KCNH7: variants seen among roughly 807,000 people sequenced by gnomAD.
The protein encoded by KCNH7 is voltage-gated inwardly rectifying potassium channel KCNH7.
A neutral mutation model predicts 120.8 loss-of-function variants in KCNH7; 49 were observed. That is an observed-to-expected ratio of 0.41 (90% CI 0.32 to 0.51). KCNH7 has a LOEUF of 0.51. Ranked by LOEUF, KCNH7 falls within the 20% of genes least tolerant of loss-of-function variation. The pLI is 0.38. For synonymous variants in KCNH7, 547 were observed against 516.1 expected (o/e 1.06, Z -0.81); for missense variants, 1,097 against 1,446.6 (o/e 0.76, Z 3.92).
chr2:162,812,996 G>A (rs114690749), intron 2 of KCNH7, among the ~76,000 whole-genome samples: 2,369 of 152,134 alleles, frequency 0.016, 52 homozygotes, highest in African/African-American at 0.049. Flanking sequence ...GATGAAAAAA[G>A]TTGTTAAGAA....
chr2:162,722,709 C>T (rs141178503), intron 2 of KCNH7, among the ~76,000 whole-genome samples: 3,657 of 150,840 alleles, frequency 0.024, 155 homozygotes, highest in African/African-American at 0.083. Context: ...TTTCGCTTAT[C>T]TTGTTCTGGA....
intron 9 of KCNH7, among the ~76,000 whole-genome samples, chr2:162,400,941 C>A (rs759692962): frequency 2.0e-5 from 3 of 151,848 alleles, no homozygotes; most frequent in Non-Finnish European, 4.4e-5. Flanking sequence ...TGTCATGTAA[C>A]AGAGTGTGCT....
At chr2:162,610,133 G>A (rs879862500) in intron 2 of KCNH7, among the ~76,000 whole-genome samples, 2 of 152,186 alleles carry the variant, frequency 1.3e-5, no homozygotes, top group Non-Finnish European at 2.9e-5. Flanking sequence ...TTGGAAATAA[G>A]GTCAAGAGAA....
intron 2 of KCNH7, among the ~76,000 whole-genome samples, chr2:162,580,877 A>G (rs1268936300): frequency 2.6e-5 from 4 of 152,076 alleles, no homozygotes; most frequent in Admixed American, 6.6e-5. Context: ...TAATTCCTAG[A>G]TAGAAATAGT....
At chr2:162,836,513 G>A (rs1232363699) in intron 2 of KCNH7, 24 bp downstream of exon 2, 2 of 1,571,316 alleles carry the variant, frequency 1.3e-6, no homozygotes, top group South Asian at 2.2e-5. Context: ...CAAATAGAAG[G>A]AATCCTAAAT....
intron 14 of KCNH7, among the ~76,000 whole-genome samples, chr2:162,378,648 C>T (rs1340164462): frequency 1.3e-5 from 2 of 152,172 alleles, no homozygotes; most frequent in Non-Finnish European, 2.9e-5. Context: ...GTTGCTTATA[C>T]ATAGAGATGG....
At chr2:162,539,030 C>T (rs952242842) in intron 2 of KCNH7, among the ~76,000 whole-genome samples, 3 of 152,086 alleles carry the variant, frequency 2.0e-5, no homozygotes, top group Non-Finnish European at 4.4e-5. Context: ...GAATGGCAAG[C>T]TGCACCTTCA....
At chr2:162,520,845 A>C (rs1331316997) in intron 3 of KCNH7, among the ~76,000 whole-genome samples, 1 of 151,838 alleles carries the variant, frequency 6.6e-6, no homozygotes, top group East Asian at 2.0e-4. Context: ...CCCTGCTACC[A>C]ATAACTTTCT....
In KCNH7 at chr2:162,537,100, A is replaced by G; in HGVS notation, c.308-20T>C. 3 of 1,576,450 alleles carry G rather than the reference A, an allele frequency of 1.9e-6. No homozygotes were observed. The highest frequency in any genetic ancestry group is 2.6e-6 in the Non-Finnish European group (3 of 1,153,592). ...TGGACCCTAAGGAGATTAAAAATGA[A>G]TGTTAGTTAAAAATATGCCTTCATT... On this transcript the variant is annotated intron_variant, in intron 2 of 15. Transcript: ENST00000332142.
At chr2:162,657,154 A>G (rs1009911245) in intron 2 of KCNH7, among the ~76,000 whole-genome samples, 2 of 152,204 alleles carry the variant, frequency 1.3e-5, no homozygotes, top group African/African-American at 4.8e-5. Context: ...ACATTGATGT[A>G]CCATCATCAT....
At chr2:162,445,560 G>T (rs1423435960) in intron 7 of KCNH7, among the ~76,000 whole-genome samples, 2 of 152,122 alleles carry the variant, frequency 1.3e-5, no homozygotes. Context: ...TTTCCAAGCT[G>T]AATATTATTT....
chr2:162,745,045 A>G (rs1688269589), intron 2 of KCNH7, among the ~76,000 whole-genome samples: 1 of 152,162 alleles, frequency 6.6e-6, no homozygotes, highest in Non-Finnish European at 1.5e-5. Context: ...ATATCTACCT[A>G]CTGATATTCA....
At chr2:162,397,428 C>T (rs1368058542) in intron 10 of KCNH7, among the ~76,000 whole-genome samples, 1 of 151,726 alleles carries the variant, frequency 6.6e-6, no homozygotes, top group African/African-American at 2.4e-5. Flanking sequence ...TTGGAACACA[C>T]CTTGTTTCCT....
chr2:162,621,338 C>G (rs184224739), intron 2 of KCNH7, among the ~76,000 whole-genome samples: 2 of 145,484 alleles, frequency 1.4e-5, no homozygotes, highest in East Asian at 2.1e-4. Flanking sequence ...ATGCCCCTGC[C>G]GGCAAATGAG....
At chr2:162,801,081 G>A (rs1438081543) in intron 2 of KCNH7, among the ~76,000 whole-genome samples, 1 of 151,640 alleles carries the variant, frequency 6.6e-6, no homozygotes, top group Non-Finnish European at 1.5e-5. Context: ...GTAAACACAA[G>A]GGTTCTCTAT....
chr2:162,564,684 A>T (rs897386258), intron 2 of KCNH7, among the ~76,000 whole-genome samples: 1 of 152,098 alleles, frequency 6.6e-6, no homozygotes, highest in African/African-American at 2.4e-5. Context: ...CAAGGATGAG[A>T]AGGATTATTG....
chr2:162,682,618 G>A (rs16847108), intron 2 of KCNH7, among the ~76,000 whole-genome samples: 1,638 of 151,800 alleles, frequency 0.011, 26 homozygotes, highest in African/African-American at 0.037. Context: ...AAAGAATGTC[G>A]TACCAAATGT....
chr2:162,623,613 T>C (rs1054096600), intron 2 of KCNH7, among the ~76,000 whole-genome samples: 2 of 152,156 alleles, frequency 1.3e-5, no homozygotes, highest in African/African-American at 2.4e-5. Context: ...CTATGCTGCT[T>C]GAGTTCAAAG....
At chr2:162,777,415 C>T (rs1255036249) in intron 2 of KCNH7, among the ~76,000 whole-genome samples, 2 of 152,038 alleles carry the variant, frequency 1.3e-5, no homozygotes, top group East Asian at 3.9e-4. Flanking sequence ...AGTACAGACA[C>T]ATTCTTTTTA....
Sources: allele counts gnomAD v4.1 joint callset (sites outside exome capture counted in the v4.1 genomes callset), GRCh38; gene constraint gnomAD v4.1.1; transcripts MANE v1.5; gene names NCBI Gene and HGNC (gene_info 2026-07-23, HGNC 2026-07-21).